FHOD3: variants seen among roughly 807,000 people sequenced by gnomAD.
The protein encoded by FHOD3 is FH1/FH2 domain-containing protein 3.
In FHOD3, 90 loss-of-function variants were observed where a neutral mutation model predicts 173.0. That is an observed-to-expected ratio of 0.52 (90% confidence interval 0.44 to 0.62). The LOEUF is 0.62. FHOD3 is among the 20% of genes least tolerant of loss of function. FHOD3 has a pLI of 0.00. For missense variants in FHOD3, 1,945 were observed against 2,034.7 expected, an observed-to-expected ratio of 0.96 and a Z score of 0.85; for synonymous variants, 828 against 823.0, an observed-to-expected ratio of 1.01 and a Z score of -0.10.
chr18:36,729,850 G>A (rs1221793699), intron 19 of FHOD3, among the ~76,000 whole-genome samples: 1 of 152,220 alleles, frequency 6.6e-6, no homozygotes. Context: ...TGGGCTGGCT[G>A]CAGAGATAGG....
chr18:36,436,806 A>G (rs1046947517), intron 3 of FHOD3, among the ~76,000 whole-genome samples: 3 of 152,224 alleles, frequency 2.0e-5, no homozygotes, highest in African/African-American at 2.4e-5. Context: ...TTTTGATAAT[A>G]TAGCATTTGC....
intron 1 of FHOD3, among the ~76,000 whole-genome samples, chr18:36,351,990 C>A (rs1369089633): frequency 6.6e-6 from 1 of 152,148 alleles, no homozygotes; most frequent in Non-Finnish European, 1.5e-5. Flanking sequence ...TCTCTGTTAT[C>A]CCTGCTTTAG....
intron 21 of FHOD3, among the ~76,000 whole-genome samples, chr18:36,742,341 C>T (rs532550657): frequency 1.5e-4 from 23 of 152,198 alleles, no homozygotes; most frequent in Admixed American, 3.3e-4. Flanking sequence ...TCAGGGACAT[C>T]GAGCGCACAA....
At chr18:36,407,706 C>T (rs1309028120) in intron 3 of FHOD3, among the ~76,000 whole-genome samples, 1 of 152,194 alleles carries the variant, frequency 6.6e-6, no homozygotes, top group African/African-American at 2.4e-5. Flanking sequence ...ACACCCTACA[C>T]GAATCCATCC....
chr18:36,736,422 G>A (rs148981843), intron 20 of FHOD3, among the ~76,000 whole-genome samples: 205 of 152,252 alleles, frequency 1.3e-3, no homozygotes, highest in African/African-American at 4.5e-3. Context: ...CTTGTTTAGC[G>A]TCCAGAAAAA....
At chr18:36,776,057 C>T (rs1287922863) in intron 28 of FHOD3, among the ~76,000 whole-genome samples, 1 of 152,158 alleles carries the variant, frequency 6.6e-6, no homozygotes, top group Non-Finnish European at 1.5e-5. Flanking sequence ...GACCTTGCCA[C>T]AGTGCTGGAG....
At chr18:36,386,997 A>C (rs760291284) in intron 3 of FHOD3, among the ~76,000 whole-genome samples, 1 of 152,190 alleles carries the variant, frequency 6.6e-6, no homozygotes, top group Admixed American at 6.5e-5. Flanking sequence ...AAAATATAGA[A>C]GTTCTTAAGG....
rs549985145 is a variant in FHOD3 at position 36,750,011 on chromosome 18, C to T, written c.4232+2876C>T. On this transcript the variant is annotated intron_variant, in intron 24 of 28. Transcript: ENST00000590592. ...CTTTTAAAAAGTGTCTGTTCGGGGC[C>T]GGGCATGGTGGCTCACGCCTGTAAT... Among the ~76,000 whole-genome samples the T allele has an allele frequency of 3.9e-5, 6 of 152,026 alleles. No individual in the cohort carries two copies. In the South Asian group the frequency reaches 6.3e-4, roughly 16 times the overall value.
At chr18:36,593,167 G>T (rs1266219619) in intron 6 of FHOD3, among the ~76,000 whole-genome samples, 1 of 152,150 alleles carries the variant, frequency 6.6e-6, no homozygotes, top group African/African-American at 2.4e-5. Flanking sequence ...TGAGAGTTGA[G>T]CAAAAATGGG....
chr18:36,445,799 G>T (rs1013740428), intron 3 of FHOD3, among the ~76,000 whole-genome samples: 1 of 152,180 alleles, frequency 6.6e-6, no homozygotes, highest in Non-Finnish European at 1.5e-5. Flanking sequence ...TCATGGGCAT[G>T]TCCAGGTAGT....
At chr18:36,459,881 A>G (rs1568300074) in intron 3 of FHOD3, among the ~76,000 whole-genome samples, 1 of 152,096 alleles carries the variant, frequency 6.6e-6, no homozygotes. Flanking sequence ...TTCCTCTTCC[A>G]GGATTCTGTC....
intron 5 of FHOD3, among the ~76,000 whole-genome samples, chr18:36,552,159 C>G (rs2057684671): frequency 6.6e-6 from 1 of 152,098 alleles, no homozygotes; most frequent in African/African-American, 2.4e-5. Context: ...TGTTTGTGTC[C>G]TCTTTTATTT....
At chr18:36,719,573 T>C (rs1161753660) in intron 19 of FHOD3, among the ~76,000 whole-genome samples, 1 of 152,230 alleles carries the variant, frequency 6.6e-6, no homozygotes, top group Non-Finnish European at 1.5e-5. Flanking sequence ...TTTTAAGGTA[T>C]AAGGGGTAGG....
At chr18:36,735,785 A>G (rs1003162796) in intron 20 of FHOD3, among the ~76,000 whole-genome samples, 7 of 152,242 alleles carry the variant, frequency 4.6e-5, no homozygotes, top group African/African-American at 1.7e-4. Flanking sequence ...CTTGTGGCAG[A>G]TGCTTATACA....
chr18:36,751,068 G>A (rs2042383835), intron 24 of FHOD3, among the ~76,000 whole-genome samples: 1 of 152,146 alleles, frequency 6.6e-6, no homozygotes. Context: ...AACTGCTTTG[G>A]GCAGTATGGC....
intron 3 of FHOD3, among the ~76,000 whole-genome samples, chr18:36,485,982 C>T (rs7231629): frequency 0.011 from 1,631 of 152,300 alleles, 17 homozygotes; most frequent in African/African-American, 0.037. Flanking sequence ...CTAGGGCCCT[C>T]CTCTGTTCCA....
At chr18:36,534,963 TG>T (rs1366172858) in intron 5 of FHOD3, among the ~76,000 whole-genome samples, 2 of 152,270 alleles carry the variant, frequency 1.3e-5, no homozygotes, top group African/African-American at 2.4e-5. Context: ...TGGGCCAGTC[TG>T]GGCCACTTTG....
At chr18:36,510,567 C>T (rs572061141) in intron 4 of FHOD3, among the ~76,000 whole-genome samples, 1 of 152,266 alleles carries the variant, frequency 6.6e-6, no homozygotes, top group South Asian at 2.1e-4. Context: ...CTTGTTCTCA[C>T]TTTTTCACCA....
intron 20 of FHOD3, among the ~76,000 whole-genome samples, chr18:36,735,519 G>A (rs2041587040): frequency 6.6e-6 from 1 of 152,182 alleles, no homozygotes; most frequent in African/African-American, 2.4e-5. Flanking sequence ...CTCCGCCTTG[G>A]TGGATCCAGC....
Sources: gnomAD v4.1 joint callset for allele counts (sites outside exome capture counted in the v4.1 genomes callset) on GRCh38, gnomAD v4.1.1 for gene constraint, MANE v1.5 for transcripts, NCBI Gene and HGNC (gene_info 2026-07-23, HGNC 2026-07-21) for gene names.